DPF3: variants seen among roughly 807,000 people sequenced by gnomAD.
DPF3 encodes the protein double PHD fingers 3.
Under a neutral mutation model 56.8 loss-of-function variants are expected in DPF3, and 18 were observed. The observed-to-expected ratio is 0.32, with a 90% CI of 0.22 to 0.47. The LOEUF is 0.47. Ranked by LOEUF, DPF3 falls within the 20% of genes least tolerant of loss-of-function variation. The pLI, the probability that DPF3 is intolerant of heterozygous loss-of-function variation, is 1.00. For synonymous variants in DPF3, 188 were observed against 180.2 expected (o/e 1.04, Z -0.35); for missense variants, 403 against 488.8 (o/e 0.82, Z 1.65).
intron 1 of DPF3, among the ~76,000 whole-genome samples, chr14:72,838,934 T>G: frequency 1.2e-5 from 1 of 84,770 alleles, no homozygotes; most frequent in East Asian, 2.8e-4. Flanking sequence ...TTTTTTTTTT[T>G]TTTTTGGAGA....
intron 4 of DPF3, among the ~76,000 whole-genome samples, chr14:72,728,343 G>C (rs1198811269): frequency 2.6e-5 from 4 of 152,252 alleles, no homozygotes; most frequent in East Asian, 1.9e-4. Context: ...GAGTCTAAAA[G>C]ATGAGTGAGA....
intron 1 of DPF3, among the ~76,000 whole-genome samples, chr14:72,864,590 A>G (rs1040447030): frequency 6.6e-6 from 1 of 152,220 alleles, no homozygotes; most frequent in Non-Finnish European, 1.5e-5. Context: ...TTGAAAATGG[A>G]TATGAAAGCA....
chr14:72,638,893 T>C (rs1476255037), intron 8 of DPF3, among the ~76,000 whole-genome samples: 1 of 151,634 alleles, frequency 6.6e-6, no homozygotes, highest in Non-Finnish European at 1.5e-5. Flanking sequence ...CTTGGCTCAC[T>C]GCGAGCTCTG....
intron 8 of DPF3, among the ~76,000 whole-genome samples, chr14:72,630,073 G>A (rs1885084768): frequency 6.6e-6 from 1 of 152,194 alleles, no homozygotes; most frequent in Non-Finnish European, 1.5e-5. Flanking sequence ...CACTATGAGA[G>A]ACACCAGTGG....
rs568127867 is a variant in DPF3, at chr14:72,860,659, G to A, written c.32+33398C>T. ...GGCTCACCACAAACCTCCACCTCCTGGTTTCAAGCAATTCTCCTGCCTCAG... is the reference window on the plus strand; with the variant it reads ...GGCTCACCACAAACCTCCACCTCCTAGTTTCAAGCAATTCTCCTGCCTCAG... On this transcript the variant is annotated intron_variant, in intron 1 of 10. Transcript: ENST00000556509. Among the ~76,000 whole-genome samples, 24 of 152,106 alleles carry A rather than the reference G, an allele frequency of 1.6e-4. 1 individual carries two copies. In the South Asian group the frequency reaches 5.0e-3, roughly 32 times the overall value.
chr14:72,714,316 G>A (rs1379847185), intron 6 of DPF3, 107 bp downstream of exon 6: 8 of 1,378,650 alleles, frequency 5.8e-6, no homozygotes, highest in South Asian at 5.1e-5. Context: ...AGGAAGAGGA[G>A]AGCACACACT....
intron 4 of DPF3, among the ~76,000 whole-genome samples, chr14:72,725,613 C>A (rs910284016): frequency 3.9e-5 from 6 of 152,082 alleles, no homozygotes; most frequent in Admixed American, 2.6e-4. Context: ...CACAGGGTAA[C>A]CCCATCTCCT....
rs113241054 is a variant in DPF3 at position 72,624,495 on chromosome 14, T to C, written c.985-4511A>G. Among the ~76,000 whole-genome samples the C allele has an allele frequency of 6.8e-3, 1,034 of 152,142 alleles. 12 individuals are homozygous for C. Among genetic ancestry groups the C allele is most frequent in the African/African-American group, 0.024 (983 of 41,494 alleles). ...CTGGGATTACAGGCATGTGCCACCA[T>C]GCCTGGCTAATTTTTGTATTTTTAG... On this transcript the variant is annotated intron_variant, in intron 9 of 10. Coordinates refer to ENST00000556509, the MANE Select transcript of DPF3 (RefSeq NM_001280542.3).
At chr14:72,767,781 C>CAAAA (rs1321233392) in intron 2 of DPF3, among the ~76,000 whole-genome samples, 54 of 62,030 alleles carry the variant, frequency 8.7e-4, no homozygotes, top group East Asian at 1.9e-3. Flanking sequence ...AAAAAAAAAC[C>CAAAA]CCATAAACCC....
At chr14:72,752,114 T>C (rs1890602397) in intron 3 of DPF3, among the ~76,000 whole-genome samples, 1 of 152,228 alleles carries the variant, frequency 6.6e-6, no homozygotes, top group South Asian at 2.1e-4. Context: ...GGACCAGTGT[T>C]GCAAGGAAGG....
In DPF3 at chr14:72,612,993, CGTGTGTGTGTGTGT is replaced by C. The variant is rs59321921; in HGVS notation, c.*6290_*6303del. Among the ~76,000 whole-genome samples, 4 of 148,852 alleles carry C rather than the reference CGTGTGTGTGTGTGT, an allele frequency of 2.7e-5. No individual in the cohort carries two copies. The highest frequency in any genetic ancestry group is 1.3e-4 in the Admixed American group (2 of 15,064). On this transcript the variant is annotated 3_prime_UTR_variant, in exon 11 of 11. Coordinates refer to ENST00000556509, the MANE Select transcript of DPF3 (RefSeq NM_001280542.3). ...TTTCCCTTTGGTTCATTAAGTAGGG[CGTGTGTGTGTGTGT>C]GTGTGTGTGTGTGTGTGTGTGTGTA...
chr14:72,714,461 G>A lies in DPF3; in HGVS notation c.566C>T (p.Ala189Val), dbSNP rs902369490. The change falls in exon 6 of 11, where the codon GCC becomes GTC. Residue 189 changes from alanine to valine, a missense_variant. This residue lies in a region of DPF3 where 340 missense variants were observed against 374.3 expected (regional missense o/e 0.91). Coordinates refer to ENST00000556509, the MANE Select transcript of DPF3 (RefSeq NM_001280542.3). ...AGGTTTGTCGTGGTCTTCCTGAGAG[G>A]CGGCGTCGTGCCTCCTCCTGCCCCC... Reference protein sequence around the residue: ...SAGGRRRHDAASQEDHDKPYV... With the variant: ...SAGGRRRHDAVSQEDHDKPYV... 6.8e-6 allele frequency: 11 copies of A among 1,613,776 alleles called. No individual in the cohort carries two copies. The Admixed American group carries it at 1.5e-4, about 22-fold the overall frequency.
chr14:72,730,212 C>T (rs1041237620), intron 4 of DPF3, among the ~76,000 whole-genome samples: 11 of 151,530 alleles, frequency 7.3e-5, no homozygotes, highest in African/African-American at 1.5e-4. Context: ...AGAGGGGATG[C>T]GGGAGAACTG....
At position 72,739,349 on chromosome 14, in the gene DPF3, C is replaced by T. The variant is rs538179463; in HGVS notation, c.302-7415G>A. On this transcript the variant is annotated intron_variant, in intron 3 of 10. Coordinates refer to ENST00000556509, the MANE Select transcript of DPF3 (RefSeq NM_001280542.3). ...CATTACCCTAAAGCACACACTTGGC[C>T]TTGATCTCCTTATCTGTAAACCTGG... 1.0e-3 allele frequency among the ~76,000 whole-genome samples: 152 copies of T among 152,282 alleles called. 1 individual carries two copies. The highest frequency in any genetic ancestry group is 4.7e-3 in the Admixed American group (72 of 15,298).
At chr14:72,732,296 C>G (rs1017339822) in intron 3 of DPF3, among the ~76,000 whole-genome samples, 1 of 152,250 alleles carries the variant, frequency 6.6e-6, no homozygotes, top group African/African-American at 2.4e-5. Context: ...TAACAATACC[C>G]AACCCCACAG....
At chr14:72,789,274 A>G (rs762969484) in intron 1 of DPF3, among the ~76,000 whole-genome samples, 1 of 152,100 alleles carries the variant, frequency 6.6e-6, no homozygotes, top group African/African-American at 2.4e-5. Context: ...CAACAACCCT[A>G]TGAAAGAGAT....
At chr14:72,654,164 A>T (rs1201732990) in intron 8 of DPF3, among the ~76,000 whole-genome samples, 1 of 152,152 alleles carries the variant, frequency 6.6e-6, no homozygotes, top group Non-Finnish European at 1.5e-5. Context: ...CACAGTGTGG[A>T]CGCTCGTAAC....
intron 7 of DPF3, among the ~76,000 whole-genome samples, chr14:72,688,978 G>A (rs987896471): frequency 2.0e-5 from 3 of 152,140 alleles, no homozygotes; most frequent in Admixed American, 2.0e-4. Context: ...GGAAACACAA[G>A]AAATGTATAC....
rs375696656 is a variant in DPF3 at position 72,731,691 on chromosome 14, C to T, written c.429+116G>A. The T allele has an allele frequency of 1.4e-4, 193 of 1,423,926 alleles. No individual in the cohort carries two copies. The African/African-American group carries it at 2.5e-3, about 19-fold the overall frequency. 88.2% of individuals were successfully genotyped at this position (1,423,926 alleles called of 1,614,324 possible). A position where few individuals can be genotyped will look rare whatever the true frequency, so the allele number is the denominator to read the frequency against. On this transcript the variant is annotated intron_variant, in intron 4 of 10. Coordinates refer to ENST00000556509, the MANE Select transcript of DPF3 (RefSeq NM_001280542.3). Reference sequence around the variant, plus strand: ...CTGGCCACCATAGAAACAAGGCAGTCTGAGACTGAGCCCCGGCCCTTGAGG... The same window carrying T: ...CTGGCCACCATAGAAACAAGGCAGTTTGAGACTGAGCCCCGGCCCTTGAGG...
Sources: allele counts gnomAD v4.1 joint callset (sites outside exome capture counted in the v4.1 genomes callset), GRCh38; gene constraint gnomAD v4.1.1; regional missense constraint gnomAD v4.1.1; transcripts MANE v1.5; gene names NCBI Gene and HGNC (gene_info 2026-07-23, HGNC 2026-07-21).